The following DGKB variants were observed in gnomAD, a reference collection of about 807,000 sequenced individuals.
The protein encoded by DGKB is diacylglycerol kinase beta.
A neutral mutation model predicts 114.3 loss-of-function variants in DGKB; 67 were observed. The observed-to-expected ratio is 0.59, with a 90% CI of 0.48 to 0.72. DGKB has a LOEUF of 0.72. Ranked by LOEUF, DGKB falls within the 30% of genes least tolerant of loss-of-function variation. DGKB has a pLI of 0.00. For missense variants in DGKB, 907 were observed against 975.2 expected (o/e 0.93, Z 0.93); for synonymous variants, 398 against 323.1 (o/e 1.23, Z -2.49).
chr7:14,368,467 A>G (rs1382377682), intron 21 of DGKB, among the ~76,000 whole-genome samples: 1 of 152,134 alleles, frequency 6.6e-6, no homozygotes, highest in Non-Finnish European at 1.5e-5. Flanking sequence ...AGTGCCCACT[A>G]ACAATAGCCA....
At chr7:14,639,295 G>A (rs1372912443) in intron 13 of DGKB, among the ~76,000 whole-genome samples, 1 of 152,140 alleles carries the variant, frequency 6.6e-6, no homozygotes, top group African/African-American at 2.4e-5. Flanking sequence ...TGGCTTAAAA[G>A]GTAAAAGAAA....
At chr7:14,582,851 G>C (rs1005388065) in intron 18 of DGKB, among the ~76,000 whole-genome samples, 3 of 152,138 alleles carry the variant, frequency 2.0e-5, no homozygotes, top group Non-Finnish European at 4.4e-5. Flanking sequence ...AGAAAGGAAG[G>C]ACTTCTATGT....
chr7:14,640,373 G>C (rs1250399074), intron 13 of DGKB, among the ~76,000 whole-genome samples: 2 of 152,130 alleles, frequency 1.3e-5, no homozygotes, highest in Non-Finnish European at 2.9e-5. Context: ...GATAATCAAA[G>C]GAAGTAATTT....
At chr7:14,739,972 C>T (rs1180355126) in intron 4 of DGKB, among the ~76,000 whole-genome samples, 2 of 152,252 alleles carry the variant, frequency 1.3e-5, no homozygotes, top group Non-Finnish European at 2.9e-5. Flanking sequence ...GGCCGTGTGT[C>T]TGCGTGTCTG....
intron 23 of DGKB, among the ~76,000 whole-genome samples, chr7:14,202,420 T>G (rs1244676234): frequency 1.3e-5 from 2 of 151,974 alleles, no homozygotes; most frequent in East Asian, 1.9e-4. Context: ...TAACAAGGTA[T>G]TTTTCAGGGG....
chr7:14,697,747 A>AGAAT (rs2129003334), intron 8 of DGKB, among the ~76,000 whole-genome samples: 1 of 139,782 alleles, frequency 7.2e-6, no homozygotes, highest in African/African-American at 3.1e-5. Flanking sequence ...GAAGGAGGAA[A>AGAAT]GAAAGAAAGA....
intron 21 of DGKB, among the ~76,000 whole-genome samples, chr7:14,436,565 T>TA (rs1829305518): frequency 6.6e-6 from 1 of 152,050 alleles, no homozygotes; most frequent in Non-Finnish European, 1.5e-5. Flanking sequence ...TCTGGCCTCT[T>TA]TCCCTAGAAA....
At chr7:14,506,372 GT>G (rs1203286982) in intron 20 of DGKB, among the ~76,000 whole-genome samples, 1 of 151,972 alleles carries the variant, frequency 6.6e-6, no homozygotes, top group African/African-American at 2.4e-5. Flanking sequence ...GCTTAATCAT[GT>G]TTTAAACTTC....
intron 2 of DGKB, among the ~76,000 whole-genome samples, chr7:14,838,566 A>G (rs1847477039): frequency 6.6e-6 from 1 of 151,672 alleles, no homozygotes; most frequent in Admixed American, 6.6e-5. Flanking sequence ...CAGTTGTTGT[A>G]TTTTATTATT....
chr7:14,858,974 T>A (rs187516131), intron 1 of DGKB, among the ~76,000 whole-genome samples: 1 of 152,104 alleles, frequency 6.6e-6, no homozygotes, highest in Non-Finnish European at 1.5e-5. Flanking sequence ...AGGAGACAGC[T>A]TGATAAATAA....
intron 23 of DGKB, among the ~76,000 whole-genome samples, chr7:14,310,247 G>A (rs1805157008): frequency 1.3e-5 from 2 of 152,126 alleles, no homozygotes; most frequent in African/African-American, 4.8e-5. Context: ...CAGTATTGTT[G>A]AGAAGCTCAG....
At chr7:14,477,343 A>C (rs1158362725) in intron 21 of DGKB, among the ~76,000 whole-genome samples, 1 of 152,234 alleles carries the variant, frequency 6.6e-6, no homozygotes, top group South Asian at 2.1e-4. Context: ...TGCAGCGACA[A>C]TAAAGCCCTT....
At chr7:14,951,377 G>C (rs1376551594) in intron 1 of DGKB, among the ~76,000 whole-genome samples, 14 of 152,010 alleles carry the variant, frequency 9.2e-5, no homozygotes, top group Non-Finnish European at 2.1e-4. Context: ...AACATTAAAT[G>C]TAAGTTAAGT....
intron 22 of DGKB, among the ~76,000 whole-genome samples, chr7:14,344,973 G>A (rs1812240523): frequency 1.3e-5 from 2 of 151,626 alleles, no homozygotes; most frequent in Admixed American, 1.3e-4. Flanking sequence ...TATTTTTTAT[G>A]TATTCTGCAA....
chr7:14,428,091 C>T (rs536874359), intron 21 of DGKB, among the ~76,000 whole-genome samples: 7 of 151,882 alleles, frequency 4.6e-5, no homozygotes, highest in African/African-American at 1.7e-4. Context: ...CTGATTCTGG[C>T]AATCAGAAAT....
intron 23 of DGKB, among the ~76,000 whole-genome samples, chr7:14,311,674 C>A (rs1211535956): frequency 1.3e-5 from 2 of 152,130 alleles, no homozygotes; most frequent in Admixed American, 1.3e-4. Flanking sequence ...GATGTGCCCA[C>A]CTTGGCCTTC....
At position 14,785,874 on chromosome 7, in the gene DGKB, A is replaced by G. The variant is rs552970411; in HGVS notation, c.71-28143T>C. Among the ~76,000 whole-genome samples, 3 of 151,228 alleles carry G rather than the reference A, an allele frequency of 2.0e-5. No homozygotes were observed. In the South Asian group the frequency reaches 6.3e-4, roughly 32 times the overall value. ...CTATTAGAAAGTACAATTTTCAGAC[A>G]TTAAAGGAAGAAGTTTTTCTTTTTT... is the stretch of plus-strand genomic sequence containing the variant. On this transcript the variant is annotated intron_variant, in intron 2 of 25. Transcript: ENST00000402815.
chr7:14,484,235 G>A (rs111333883), intron 20 of DGKB, among the ~76,000 whole-genome samples: 6 of 152,080 alleles, frequency 3.9e-5, no homozygotes, highest in African/African-American at 1.2e-4. Context: ...CCACAAAGTT[G>A]ACACACAACA....
intron 21 of DGKB, among the ~76,000 whole-genome samples, chr7:14,350,840 T>C (rs763908618): frequency 2.0e-5 from 3 of 152,082 alleles, no homozygotes; most frequent in Non-Finnish European, 4.4e-5. Context: ...AATCATAATA[T>C]TTTAAGTAGC....
Sources: allele counts gnomAD v4.1 joint callset (sites outside exome capture counted in the v4.1 genomes callset), GRCh38; gene constraint gnomAD v4.1.1; transcripts MANE v1.5; gene names NCBI Gene and HGNC (gene_info 2026-07-23, HGNC 2026-07-21).